Variants in TTYH3 observed in about 807,000 individuals in gnomAD.
The protein encoded by TTYH3 is protein tweety homolog 3.
TTYH3 carries 23 observed loss-of-function variants against 68.2 expected under a neutral mutation model. The observed-to-expected ratio is 0.34, with a 90% CI of 0.24 to 0.48. The LOEUF is 0.48. Among genes scored for constraint, TTYH3 ranks in the 20% least tolerant of loss-of-function variants. TTYH3 has a pLI of 0.99. For missense variants in TTYH3, 768 were observed against 727.7 expected, an observed-to-expected ratio of 1.06 and a Z score of -0.64; for synonymous variants, 360 against 332.8, an observed-to-expected ratio of 1.08 and a Z score of -0.89.
chr7:2,661,628 G>T, intron 13 of TTYH3, 40 bp from the exon 14 acceptor site: 2 of 1,595,428 alleles, frequency 1.3e-6, no homozygotes, highest in Non-Finnish European at 1.7e-6. Context: ...CGTGCGCCAT[G>T]CAGGGGCCCT....
At chr7:2,655,900 GC>G (rs2114995498) in intron 9 of TTYH3, among the ~76,000 whole-genome samples, 191 bp from the exon 10 acceptor site, 1 of 152,316 alleles carries the variant, frequency 6.6e-6, no homozygotes, top group Admixed American at 6.5e-5. Flanking sequence ...CTGAGGAGGG[GC>G]CTGGGGTCAC....
chr7:2,632,359 C>A, intron 1 of TTYH3, 81 bp downstream of exon 1: 1 of 1,357,116 alleles, frequency 7.4e-7, no homozygotes, highest in Non-Finnish European at 9.7e-7. Context: ...GGCCCCCATC[C>A]CCGAGGGCCT....
intron 1 of TTYH3, among the ~76,000 whole-genome samples, chr7:2,642,537 C>CAAAAAAAAA (rs34165282): frequency 1.7e-5 from 1 of 57,470 alleles, no homozygotes; most frequent in African/African-American, 6.2e-5. Flanking sequence ...GACTCTGTCT[C>CAAAAAAAAA]AAAAAAAAAA....
chr7:2,660,132 G>C, intron 13 of TTYH3: 3 of 1,219,294 alleles, frequency 2.5e-6, no homozygotes, highest in Non-Finnish European at 3.2e-6. Flanking sequence ...CGTCGGCACT[G>C]AGCTGGGGCT....
intron 1 of TTYH3, among the ~76,000 whole-genome samples, chr7:2,642,771 C>T (rs1352632606): frequency 1.0e-4 from 14 of 134,252 alleles, no homozygotes; most frequent in Admixed American, 2.4e-4. Context: ...TTTTTTAAAT[C>T]GTAGACTTGG....
At chr7:2,652,832 T>G (rs1583571395) in intron 8 of TTYH3, 86 bp from the exon 9 acceptor site, 7 of 1,086,300 alleles carry the variant, frequency 6.4e-6, no homozygotes, top group African/African-American at 4.7e-5. Context: ...GACGTCTTGC[T>G]GGTGTCCCCG....
At chr7:2,632,330 C>A (rs1255022294) in intron 1 of TTYH3, 52 bp downstream of exon 1, 2 of 1,485,362 alleles carry the variant, frequency 1.3e-6, no homozygotes. Flanking sequence ...GTCACGGCCC[C>A]CTCCTCTCCC....
rs1378628674 is a variant in TTYH3 at position 2,658,860 on chromosome 7, C to T, written c.1425-80C>T. The stretch of plus-strand genomic sequence containing the variant: ...GATGTGCCCATCTGGGCACAGCGGG[C>T]CTACCCATGGGCCCCCCGACCTGCA... On this transcript the variant is annotated intron_variant, in intron 12 of 13. Coordinates refer to ENST00000258796, the MANE Select transcript of TTYH3 (RefSeq NM_025250.3). 13 of 1,391,282 alleles carry T rather than the reference C, an allele frequency of 9.3e-6. No individual in the cohort carries two copies. The African/African-American group carries it at 1.7e-4, about 18-fold the overall frequency. 86.2% of individuals were successfully genotyped at this position (1,391,282 alleles called of 1,614,324 possible). A position where few individuals can be genotyped will look rare whatever the true frequency, so the allele number is the denominator to read the frequency against.
rs1488603935 is a variant in TTYH3 at position 2,645,987 on chromosome 7, C to T, written c.124-866C>T. 2.9e-6 allele frequency: 1 copy of T among 350,650 alleles called. No individual in the cohort carries two copies. The highest frequency in any genetic ancestry group is 2.2e-5 in the African/African-American group (1 of 45,956). 21.7% of individuals were successfully genotyped at this position (350,650 alleles called of 1,614,324 possible). On this transcript the variant is annotated intron_variant, in intron 1 of 13. Coordinates refer to ENST00000258796, the MANE Select transcript of TTYH3 (RefSeq NM_025250.3). This position sits in a 1 kb window ranked among gnomAD's most constrained non-coding sequence, Gnocchi z 4.8. ...TAGCTGATGCCGGCAGCCCCCTCCC[C>T]AGGGCTTCGCTTCTTCGGGGGAGCA...
intron 13 of TTYH3, 84 bp downstream of exon 13, chr7:2,659,099 C>T: frequency 7.4e-7 from 1 of 1,345,906 alleles, no homozygotes; most frequent in Non-Finnish European, 1.1e-6. Context: ...GCTGGTGTGG[C>T]ATGTGCAGCC....
rs760039386 is a variant in TTYH3 at position 2,658,965 on chromosome 7, C to A, written c.1450C>A (p.Pro484Thr). 93 of 1,613,966 alleles carry A rather than the reference C, an allele frequency of 5.8e-5. No individual in the cohort carries two copies. Among genetic ancestry groups the A allele is most frequent in the African/African-American group, 8.0e-5 (6 of 74,940 alleles). Residue 484 changes from proline (P) to threonine (T), a missense_variant, in exon 13 of 14, where the codon CCC (proline) becomes ACC (threonine). Physicochemically the swap from Pro to Thr is conservative, Grantham distance 38. Transcript: ENST00000258796. ...YMSQNANFQN[P>T]RCENTPLIGR... ...GAGCCAGAACGCTAATTTCCAGAAC[C>A]CCCGCTGTGAGAACACCCCACTCAT...
intron 11 of TTYH3, among the ~76,000 whole-genome samples, chr7:2,657,844 G>T (rs1183989122): frequency 6.6e-6 from 1 of 152,208 alleles, no homozygotes; most frequent in East Asian, 1.9e-4. Flanking sequence ...AGAGGCTCGC[G>T]CAGAGTGGAA....
intron 5 of TTYH3, 91 bp downstream of exon 5, chr7:2,648,145 T>G: frequency 1.3e-5 from 16 of 1,234,408 alleles, no homozygotes; most frequent in Non-Finnish European, 1.6e-5. Context: ...CATCTGCAGA[T>G]CCTAGCCACA....
rs771603814 is a variant in TTYH3, at chr7:2,658,961, G to T, written c.1446G>T (p.Gln482His). ...TCAGGAGCCAGAACGCTAATTTCCA[G>T]AACCCCCGCTGTGAGAACACCCCAC... ...TEYMSQNANFQNPRCENTPLI... is the reference protein window; with the variant it reads ...TEYMSQNANFHNPRCENTPLI... Residue 482 changes from glutamine to histidine, a missense_variant, in exon 13 of 14, where the codon CAG (glutamine) becomes CAT (histidine). By Grantham distance (24) the Gln-to-His change is conservative. Transcript: ENST00000258796. 3.7e-5 allele frequency: 60 copies of T among 1,613,912 alleles called. No individual in the cohort carries two copies. The highest frequency in any genetic ancestry group is 5.0e-5 in the Non-Finnish European group (59 of 1,179,922).
At chr7:2,642,537 C>CAAA (rs34165282) in intron 1 of TTYH3, among the ~76,000 whole-genome samples, 21 of 57,344 alleles carry the variant, frequency 3.7e-4, no homozygotes, top group East Asian at 5.9e-4. Context: ...GACTCTGTCT[C>CAAA]AAAAAAAAAA....
rs1786118122 is a variant in TTYH3, at chr7:2,649,896, G to A, written c.796-17G>A. ...CCAGCTTGGTCAACCCCTCTTGCTTGCCCACGCCCACCTCAGGGCTCCAGC... is the reference window on the plus strand; with the variant it reads ...CCAGCTTGGTCAACCCCTCTTGCTTACCCACGCCCACCTCAGGGCTCCAGC... On this transcript the variant is annotated splice_polypyrimidine_tract_variant and intron_variant, in intron 6 of 13. Coordinates refer to ENST00000258796, the MANE Select transcript of TTYH3 (RefSeq NM_025250.3). 1 of 1,613,602 alleles carries A rather than the reference G, an allele frequency of 6.2e-7. No individual in the cohort carries two copies. The highest frequency in any genetic ancestry group is 1.3e-5 in the African/African-American group (1 of 75,006).
At chr7:2,649,432 C>A in intron 5 of TTYH3, 135 bp from the exon 6 acceptor site, 2 of 848,150 alleles carry the variant, frequency 2.4e-6, no homozygotes, top group Non-Finnish European at 3.7e-6. Context: ...TGAGGCCAGG[C>A]CACAGGAAGA....
At chr7:2,642,555 A>AG (rs1314815243) in intron 1 of TTYH3, among the ~76,000 whole-genome samples, 93 of 149,772 alleles carry the variant, frequency 6.2e-4, no homozygotes, top group Non-Finnish European at 1.2e-3. Context: ...AAAAAAAAAA[A>AG]AAAAGAAAGA....
In TTYH3 at chr7:2,639,947, C is replaced by G. The variant is rs560195218; in HGVS notation, c.124-6906C>G. 2.1e-3 allele frequency among the ~76,000 whole-genome samples: 322 copies of G among 152,294 alleles called. 2 individuals carry two copies. The highest frequency in any genetic ancestry group is 2.0e-3 in the Non-Finnish European group (138 of 68,024). On this transcript the variant is annotated intron_variant, in intron 1 of 13. Coordinates refer to ENST00000258796, the MANE Select transcript of TTYH3 (RefSeq NM_025250.3). The stretch of plus-strand genomic sequence containing the variant: ...GGCTGCACCCCTGGGGCTCGCTGGT[C>G]TCTCCCAATGCCTCGGGCAGCCATC...
Sources: allele counts gnomAD v4.1 joint callset (sites outside exome capture counted in the v4.1 genomes callset), GRCh38; gene constraint gnomAD v4.1.1; non-coding constraint Gnocchi (gnomAD v3.1); transcripts MANE v1.5; gene names NCBI Gene and HGNC (gene_info 2026-07-23, HGNC 2026-07-21).